The following ENAH variants were observed in gnomAD, a reference collection of about 807,000 sequenced individuals.
ENAH encodes the protein ENAH actin regulator, also known as protein enabled homolog.
ENAH carries 23 observed loss-of-function variants against 78.7 expected under a neutral mutation model. The observed-to-expected ratio is 0.29, with a 90% CI of 0.21 to 0.41. The LOEUF is 0.41. ENAH is among the 10% of genes least tolerant of loss of function. ENAH has a pLI of 1.00. For missense variants in ENAH, 544 were observed against 691.0 expected (o/e 0.79, Z 2.39); for synonymous variants, 226 against 241.0 (o/e 0.94, Z 0.58).
intron 1 of ENAH, among the ~76,000 whole-genome samples, chr1:225,598,640 G>C (rs1240633185): frequency 6.6e-6 from 1 of 151,458 alleles, no homozygotes; most frequent in African/African-American, 2.4e-5. Flanking sequence ...ACCAGAGAAA[G>C]AAAATTCTAT....
chr1:225,552,067 A>G (rs1312548380), intron 3 of ENAH, among the ~76,000 whole-genome samples: 1 of 151,846 alleles, frequency 6.6e-6, no homozygotes, highest in African/African-American at 2.4e-5. Flanking sequence ...GGGGTAGGGT[A>G]CATACCTTTT....
intron 1 of ENAH, among the ~76,000 whole-genome samples, chr1:225,595,298 A>G (rs1558877341): frequency 6.6e-6 from 1 of 151,900 alleles, no homozygotes; most frequent in Non-Finnish European, 1.5e-5. Flanking sequence ...ACGCCATTGC[A>G]CTCTAGCCTG....
intron 1 of ENAH, among the ~76,000 whole-genome samples, chr1:225,572,471 G>C (rs1158212669): frequency 6.6e-6 from 1 of 152,180 alleles, no homozygotes; most frequent in Non-Finnish European, 1.5e-5. Flanking sequence ...ATCATTAAAT[G>C]CAATAACTTG....
At chr1:225,632,116 T>C (rs1659193934) in intron 1 of ENAH, among the ~76,000 whole-genome samples, 1 of 152,240 alleles carries the variant, frequency 6.6e-6, no homozygotes, top group African/African-American at 2.4e-5. Flanking sequence ...TTTCATTGTT[T>C]AGAGGTTTCC....
chr1:225,583,677 G>A (rs549064615), intron 1 of ENAH, among the ~76,000 whole-genome samples: 18 of 151,780 alleles, frequency 1.2e-4, no homozygotes, highest in Admixed American at 8.5e-4. Context: ...GCATGGTGGC[G>A]CATGCCTGTA....
chr1:225,593,490 G>A (rs943981754), intron 1 of ENAH, among the ~76,000 whole-genome samples: 3 of 147,672 alleles, frequency 2.0e-5, no homozygotes, highest in African/African-American at 7.6e-5. Flanking sequence ...TGAATGTTAA[G>A]GTAAATACCA....
chr1:225,588,076 A>G (rs2096856095), intron 1 of ENAH, among the ~76,000 whole-genome samples: 1 of 152,222 alleles, frequency 6.6e-6, no homozygotes, highest in Admixed American at 6.5e-5. Flanking sequence ...GCTCTTCTCA[A>G]TAATTACAGG....
intron 12 of ENAH, among the ~76,000 whole-genome samples, chr1:225,499,820 C>T (rs2096271999): frequency 6.6e-6 from 1 of 152,090 alleles, no homozygotes; most frequent in Admixed American, 6.6e-5. Context: ...CACTGAATAC[C>T]CCAGGAAAAA....
chr1:225,591,353 A>T (rs2096874653), intron 1 of ENAH, among the ~76,000 whole-genome samples: 1 of 152,066 alleles, frequency 6.6e-6, no homozygotes, highest in Admixed American at 6.5e-5. Context: ...CTGTAATCCC[A>T]GCTACTCAGG....
chr1:225,600,215 T>C (rs888468385), intron 1 of ENAH, among the ~76,000 whole-genome samples: 5 of 152,154 alleles, frequency 3.3e-5, no homozygotes, highest in Non-Finnish European at 7.3e-5. Context: ...TACTCTCAAA[T>C]GGTGCACTCA....
intron 11 of ENAH, among the ~76,000 whole-genome samples, chr1:225,505,826 C>T (rs1010876030): frequency 1.3e-5 from 2 of 151,972 alleles, no homozygotes; most frequent in Non-Finnish European, 2.9e-5. Context: ...TCAGGAGTTC[C>T]AGAATTTCTA....
rs60137872 is a variant in ENAH at position 225,630,058 on chromosome 1, A to G, written c.5+22628T>C. ...AGTCCTTTCTATATAATTAACCATA[A>G]TATGTATAATTTCATATACAAATAA... On this transcript the variant is annotated intron_variant, in intron 1 of 13. Transcript: ENST00000366843. Among the ~76,000 whole-genome samples, 72 of 152,334 alleles carry G rather than the reference A, an allele frequency of 4.7e-4. 1 individual carries two copies. The East Asian group carries it at 0.012, about 26-fold the overall frequency.
chr1:225,614,864 C>CA (rs1246539010), intron 1 of ENAH, among the ~76,000 whole-genome samples: 4 of 152,234 alleles, frequency 2.6e-5, no homozygotes, highest in African/African-American at 9.7e-5. Context: ...AAACCTGTCT[C>CA]AAATTTCCGA....
intron 11 of ENAH, among the ~76,000 whole-genome samples, chr1:225,503,376 AC>A (rs773185593): frequency 2.0e-5 from 3 of 151,972 alleles, no homozygotes; most frequent in Non-Finnish European, 4.4e-5. Flanking sequence ...CGCAGCCTTG[AC>A]CTCCTGGCCT....
intron 3 of ENAH, among the ~76,000 whole-genome samples, chr1:225,549,912 T>A (rs2096633438): frequency 6.6e-6 from 1 of 152,326 alleles, no homozygotes; most frequent in African/African-American, 2.4e-5. Flanking sequence ...TTGATCTTCA[T>A]GCTTGTAAAC....
At position 225,488,580 on chromosome 1, in the gene ENAH, G is replaced by C. The variant is rs966694832; in HGVS notation, c.*9195C>G. 26 of 152,236 alleles carry C rather than the reference G, an allele frequency of 1.7e-4. No homozygotes were observed. Among genetic ancestry groups the C allele is most frequent in the African/African-American group, 6.0e-4 (25 of 41,536 alleles). 9.4% of individuals were successfully genotyped at this position (152,236 alleles called of 1,614,324 possible). On this transcript the variant is annotated 3_prime_UTR_variant, in exon 14 of 14. Coordinates refer to ENST00000366843, the MANE Select transcript of ENAH (RefSeq NM_018212.6). ...TCATTGAGGATTACAGAAATACTTT[G>C]CATCAACTACAGATGTCTCAAAATA... is the stretch of plus-strand genomic sequence containing the variant.
At chr1:225,572,487 T>C (rs190317553) in intron 1 of ENAH, among the ~76,000 whole-genome samples, 110 of 152,352 alleles carry the variant, frequency 7.2e-4, no homozygotes, top group Non-Finnish European at 1.2e-3. Context: ...ACTTGAGCTT[T>C]CTAGACAATT....
At chr1:225,645,601 G>A (rs749090593) in intron 1 of ENAH, among the ~76,000 whole-genome samples, 48 of 152,306 alleles carry the variant, frequency 3.2e-4, no homozygotes, top group Middle Eastern at 6.8e-3. Flanking sequence ...CTGCCAAACT[G>A]TTTTCTAAAG....
chr1:225,548,847 A>ATTT lies in ENAH; in HGVS notation c.349+6056_349+6058dup, dbSNP rs11392563. ...TACTCACTTAATACTTAGTGAACAG[A>ATTT]TTTTTTTTTTTTTTTTTTGAGGCAG... On this transcript the variant is annotated intron_variant, in intron 3 of 13. Coordinates refer to ENST00000366843, the MANE Select transcript of ENAH (RefSeq NM_018212.6). Among the ~76,000 whole-genome samples the ATTT allele has an allele frequency of 8.4e-4, 117 of 139,356 alleles. 2 individuals are homozygous for ATTT. The highest frequency in any genetic ancestry group is 2.9e-3 in the African/African-American group (108 of 37,470). The allele number at this position is 139,356 out of a possible 152,430, so 91.4% of individuals were successfully genotyped here. A position where few individuals can be genotyped will look rare whatever the true frequency, so the allele number is the denominator to read the frequency against.
Sources: allele counts gnomAD v4.1 joint callset (sites outside exome capture counted in the v4.1 genomes callset), GRCh38; gene constraint gnomAD v4.1.1; transcripts MANE v1.5; gene names NCBI Gene and HGNC (gene_info 2026-07-23, HGNC 2026-07-21).